ABCA7: variants seen among roughly 807,000 people sequenced by gnomAD.
The protein encoded by ABCA7 is ATP binding cassette subfamily A member 7.
ABCA7 carries 261 observed loss-of-function variants against 227.6 expected under a neutral mutation model. That is an observed-to-expected ratio of 1.15 (90% CI 1.04 to 1.27). ABCA7 has a LOEUF of 1.27. ABCA7 is among the 50% of genes most tolerant of loss of function. ABCA7 has a pLI of 0.00. For missense variants in ABCA7, 3,331 were observed against 2,924.5 expected, an observed-to-expected ratio of 1.14 and a Z score of -3.21; for synonymous variants, 1,488 against 1,279.7, an observed-to-expected ratio of 1.16 and a Z score of -3.47.
At chr19:1,059,588 G>T (rs1157846699) in intron 40 of ABCA7, among the ~76,000 whole-genome samples, 1 of 141,932 alleles carries the variant, frequency 7.0e-6, no homozygotes, top group Non-Finnish European at 1.5e-5. Context: ...TTTAGAGACG[G>T]AGTCTCACTC....
intron 16 of ABCA7, among the ~76,000 whole-genome samples, chr19:1,048,689 G>T (rs1211314057): frequency 6.7e-6 from 1 of 149,616 alleles, no homozygotes; most frequent in Non-Finnish European, 1.5e-5. Context: ...GGCGCCTGTA[G>T]TCCCAGCTAC....
chr19:1,053,265 TCCCC>T, intron 23 of ABCA7, 60 bp from the exon 24 acceptor site: 1 of 1,502,080 alleles, frequency 6.7e-7, no homozygotes. Flanking sequence ...CAATGCCTCT[TCCCC>T]AGGGAGACTG....
intron 45 of ABCA7, chr19:1,064,608 T>G (rs1238112132): frequency 3.2e-5 from 14 of 437,250 alleles, no homozygotes; most frequent in Non-Finnish European, 4.4e-5. Context: ...GTATTTATTG[T>G]GTGGGCGGGG....
In ABCA7 at chr19:1,042,063, G is replaced by T. The variant is rs2040096220; in HGVS notation, c.303-1G>T. On this transcript the variant is annotated splice_acceptor_variant, in intron 4 of 46. Transcript: ENST00000263094. LOFTEE classifies it high-confidence loss of function. ...GCCTCCTGCCCTCTCTCTGTCCCCA[G>T]GGTCTCCCGGCTGCTAGCCGATGCC... 1 of 1,591,692 alleles carries T rather than the reference G, an allele frequency of 6.3e-7. No homozygotes were observed. The highest frequency in any genetic ancestry group is 1.3e-5 in the African/African-American group (1 of 74,884).
intron 14 of ABCA7, 58 bp downstream of exon 14, chr19:1,047,082 G>T: frequency 6.4e-7 from 1 of 1,552,412 alleles, no homozygotes; most frequent in South Asian, 1.2e-5. Flanking sequence ...GTGACAGACA[G>T]GGGCGGCCCC....
chr19:1,059,143 C>T lies in ABCA7; in HGVS notation c.5463+58C>T, dbSNP rs950519753. Reference sequence around the variant, plus strand: ...CAGTGAGTGGCTGCCCTACTGCATGCCCTGCCCATCATCCTTTACTGAACA... The same window carrying T: ...CAGTGAGTGGCTGCCCTACTGCATGTCCTGCCCATCATCCTTTACTGAACA... On this transcript the variant is annotated intron_variant, in intron 40 of 46. Coordinates refer to ENST00000263094, the MANE Select transcript of ABCA7 (RefSeq NM_019112.4). 7 of 1,568,496 alleles carry T rather than the reference C, an allele frequency of 4.5e-6. No homozygotes were observed. The African/African-American group carries it at 8.1e-5, about 18-fold the overall frequency.
intron 5 of ABCA7, 30 bp downstream of exon 5, chr19:1,042,206 C>T: frequency 1.9e-6 from 3 of 1,596,662 alleles, no homozygotes; most frequent in Non-Finnish European, 2.6e-6. Flanking sequence ...TCTGGCAGGG[C>T]TGAGCTCTGA....
rs1176074824 is a variant in ABCA7, at chr19:1,055,223, C to T, written c.4077C>T (p.Cys1359=). The T allele has an allele frequency of 6.2e-7, 1 of 1,607,536 alleles. No homozygotes were observed. Among genetic ancestry groups the T allele is most frequent in the Admixed American group, 1.7e-5 (1 of 59,264 alleles). ...RPGARRLLPD[C]PAAAGGPPPP... ...GTGCCCGGCGCCTGCTGCCCGACTG[C>T]CCGGCTGCAGCTGGTGGTCCCCCTC... The change falls in exon 30 of 47, where the codon TGC becomes TGT. Residue 1359 remains cysteine (C), a synonymous_variant. Coordinates refer to ENST00000263094, the MANE Select transcript of ABCA7 (RefSeq NM_019112.4).
intron 40 of ABCA7, among the ~76,000 whole-genome samples, chr19:1,060,669 G>A (rs76527008): frequency 0.27 from 41,622 of 151,594 alleles, 6,095 homozygotes; most frequent in Admixed American, 0.35. Context: ...ACAGGCGCCC[G>A]CCACCACAAC....
chr19:1,055,616 C>T (rs2042184170), intron 30 of ABCA7, among the ~76,000 whole-genome samples: 1 of 151,544 alleles, frequency 6.6e-6, no homozygotes, highest in Non-Finnish European at 1.5e-5. Context: ...GATTCTCCTC[C>T]CTCAGCCTCC....
At position 1,063,835 on chromosome 19, in the gene ABCA7, G is replaced by T; in HGVS notation, c.5923G>T (p.Gly1975Cys). Residue 1975 changes from glycine to cysteine, a missense_variant, in exon 44 of 47, where the codon GGC becomes TGC. Gly to Cys is a radical substitution (Grantham distance 159). Transcript: ENST00000263094. The part of the protein sequence containing the change: ...WNSLLAVVRE[G>C]RSVMLTSHSM... ...CAGCCTTTTGGCCGTGGTGCGGGAG[G>T]GCCGTTCAGTGATGCTCACCTCCCA... The T allele has an allele frequency of 6.5e-7, 1 of 1,541,854 alleles. No individual in the cohort carries two copies.
At chr19:1,061,513 G>A (rs890255770) in intron 40 of ABCA7, among the ~76,000 whole-genome samples, 6 of 149,822 alleles carry the variant, frequency 4.0e-5, no homozygotes, top group African/African-American at 1.5e-4. Context: ...TGGCCAACAC[G>A]GTGAAACCCC....
rs2041592967 is a variant in ABCA7, at chr19:1,051,180, T to A, written c.2710T>A (p.Phe904Ile). Reference protein sequence around the residue: ...DMLTVDEHVWFYGRLKGLSAA... With the variant: ...DMLTVDEHVWIYGRLKGLSAA... ...GCTGACCGTGGACGAGCACGTCTGGTTCTATGGGCGGCTGAAGGGTCTGAG... is the reference window on the plus strand; with the variant it reads ...GCTGACCGTGGACGAGCACGTCTGGATCTATGGGCGGCTGAAGGGTCTGAG... Residue 904 changes from phenylalanine (F) to isoleucine (I), a missense_variant, in exon 20 of 47, where the codon TTC (phenylalanine) becomes ATC (isoleucine). Physicochemically the swap from Phe to Ile is conservative, Grantham distance 21. Coordinates refer to ENST00000263094, the MANE Select transcript of ABCA7 (RefSeq NM_019112.4). 6.2e-7 allele frequency: 1 copy of A among 1,611,122 alleles called. No homozygotes were observed.
intron 18 of ABCA7, among the ~76,000 whole-genome samples, chr19:1,050,011 C>T (rs966706842): frequency 1.5e-5 from 2 of 129,248 alleles, no homozygotes; most frequent in Non-Finnish European, 3.3e-5. Context: ...GAGCCCCCCA[C>T]CACTTCCTCC....
In ABCA7 at chr19:1,049,497, CA is replaced by C. The variant is rs1303816390; in HGVS notation, c.2552+61del. On this transcript the variant is annotated intron_variant, in intron 18 of 46. Coordinates refer to ENST00000263094, the MANE Select transcript of ABCA7 (RefSeq NM_019112.4). ...CCCACTCCCACCCCGTGAGCCCCCC[CA>C]CCACTCCCTCCCCGTGAGCCCCCCA... 8.2e-6 allele frequency: 4 copies of C among 488,396 alleles called. 1 individual carries two copies. The highest frequency in any genetic ancestry group is 5.7e-6 in the Non-Finnish European group (2 of 353,700). The allele number at this position is 488,396 out of a possible 1,614,324, so 30.3% of individuals were successfully genotyped here.
intron 7 of ABCA7, 81 bp downstream of exon 7, chr19:1,042,907 G>A (rs2040206416): frequency 8.6e-6 from 13 of 1,512,948 alleles, no homozygotes; most frequent in South Asian, 3.8e-5. Flanking sequence ...GGGGCAGCCC[G>A]GGCACTTCCC....
chr19:1,057,971 C>G lies in ABCA7; in HGVS notation c.4937C>G (p.Thr1646Arg). The G allele has an allele frequency of 3.1e-6, 5 of 1,614,084 alleles. No homozygotes were observed. The highest frequency in any genetic ancestry group is 3.4e-6 in the Non-Finnish European group (4 of 1,180,034). Reference sequence around the variant, plus strand: ...TCCTTCTTCTTCTCCGTGCCCAGCACAGCCTATGTGGTGCTCACCTGCATA... The same window carrying G: ...TCCTTCTTCTTCTCCGTGCCCAGCAGAGCCTATGTGGTGCTCACCTGCATA... ...PASFFFSVPSTAYVVLTCINL... is the reference protein window; with the variant it reads ...PASFFFSVPSRAYVVLTCINL... The change falls in exon 36 of 47, where the codon ACA becomes AGA. Residue 1646 changes from threonine (T) to arginine (R), a missense_variant. By Grantham distance (71) the Thr-to-Arg change is moderately conservative (BLOSUM62 -1). Coordinates refer to ENST00000263094, the MANE Select transcript of ABCA7 (RefSeq NM_019112.4).
chr19:1,056,934 C>T lies in ABCA7; in HGVS notation c.4614C>T (p.Val1538=), dbSNP rs1196179879. 1 of 1,613,964 alleles carries T rather than the reference C, an allele frequency of 6.2e-7. No homozygotes were observed. The highest frequency in any genetic ancestry group is 8.5e-7 in the Non-Finnish European group (1 of 1,179,920). Residue 1538 remains valine, a synonymous_variant, in exon 34 of 47, where the codon GTC becomes GTT. Transcript: ENST00000263094. The surrounding 1 kb of genome is among the most constrained non-coding windows in gnomAD (Gnocchi z 4.3). ...TGGCCTCCTCGGTGGACGTCCTCGT[C>T]TCCATCTGTGTGGTCTTTGCCATGT... is the stretch of plus-strand genomic sequence containing the variant. ...ALMASSVDVL[V]SICVVFAMSF... is the part of the protein sequence containing the mutation.
rs1305447448 is a variant in ABCA7 at position 1,042,784 on chromosome 19, C to T, written c.537C>T (p.Pro179=). The T allele has an allele frequency of 6.2e-7, 1 of 1,613,104 alleles. No individual in the cohort carries two copies. Among genetic ancestry groups the T allele is most frequent in the Non-Finnish European group, 8.5e-7 (1 of 1,179,858 alleles). Residue 179 remains proline (P), a synonymous_variant, in exon 7 of 47, where the codon CCC becomes CCT. Coordinates refer to ENST00000263094, the MANE Select transcript of ABCA7 (RefSeq NM_019112.4). ...LGLALGQAQE[P]LHSLLEAAED... ...TGGCACTGGGCCAAGCCCAGGAGCC[C>T]TTGCACAGCTTGTTGGAGGCCGCTG... is the stretch of plus-strand genomic sequence containing the variant.
Sources: gnomAD v4.1 joint callset for allele counts (sites outside exome capture counted in the v4.1 genomes callset) on GRCh38, gnomAD v4.1.1 for gene constraint, Gnocchi (gnomAD v3.1) non-coding constraint, MANE v1.5 for transcripts, NCBI Gene and HGNC (gene_info 2026-07-23, HGNC 2026-07-21) for gene names.